The following MOGAT2 variants were observed in gnomAD, a reference collection of about 807,000 sequenced individuals.
MOGAT2 encodes 2-acylglycerol O-acyltransferase 2.
Under a neutral mutation model 31.5 loss-of-function variants are expected in MOGAT2, and 27 were observed. The ratio of observed to expected loss-of-function variants is 0.86; its 90% CI spans 0.63 to 1.18. The LOEUF (loss-of-function observed/expected upper bound fraction) is 1.18, where lower values mean the gene tolerates loss of function less well. Ranked by LOEUF, MOGAT2 falls within the 50% of genes most tolerant of loss-of-function variation. The pLI is 0.00. For missense variants in MOGAT2, 436 were observed against 433.2 expected (o/e 1.01, Z -0.06); for synonymous variants, 163 against 170.0 (o/e 0.96, Z 0.32).
rs369107453 is a variant in MOGAT2, at chr11:75,724,229, T to C, written c.271-3206T>C. ...GTACCAGCCTCATCCATTGGGCTCATTCCTTCCTTCCTTCATGCTATACCC... is the reference window on the plus strand; with the variant it reads ...GTACCAGCCTCATCCATTGGGCTCACTCCTTCCTTCCTTCATGCTATACCC... On this transcript the variant is annotated intron_variant, in intron 2 of 5. Transcript: ENST00000198801. 5.9e-5 allele frequency among the ~76,000 whole-genome samples: 9 copies of C among 152,312 alleles called. No individual in the cohort carries two copies. In the East Asian group the frequency reaches 1.7e-3, roughly 29 times the overall value.
intron 2 of MOGAT2, among the ~76,000 whole-genome samples, chr11:75,723,091 A>G (rs1183524771): frequency 6.6e-6 from 1 of 151,944 alleles, no homozygotes; most frequent in Non-Finnish European, 1.5e-5. Context: ...CCTCCTGAGT[A>G]GCTGGGATTA....
chr11:75,726,790 C>A (rs559211683), intron 2 of MOGAT2, among the ~76,000 whole-genome samples: 1 of 149,120 alleles, frequency 6.7e-6, no homozygotes, highest in Non-Finnish European at 1.5e-5. Context: ...CCTCTGCCTC[C>A]TGGGTTCAAG....
chr11:75,728,568 A>C (rs539878137), intron 4 of MOGAT2: 1 of 594,726 alleles, frequency 1.7e-6, no homozygotes, highest in East Asian at 2.8e-5. Context: ...TCTACCTCTC[A>C]TGGTGCAACT....
At chr11:75,723,969 C>A (rs1944398203) in intron 2 of MOGAT2, among the ~76,000 whole-genome samples, 1 of 152,142 alleles carries the variant, frequency 6.6e-6, no homozygotes, top group African/African-American at 2.4e-5. Flanking sequence ...ACAAACCTCC[C>A]CTCTTCTTTG....
chr11:75,718,981 T>TCTCA (rs535098500), intron 1 of MOGAT2, among the ~76,000 whole-genome samples: 46 of 150,196 alleles, frequency 3.1e-4, no homozygotes, highest in Admixed American at 1.1e-3. Context: ...TCTCTCTCTC[T>TCTCA]CACACACACA....
At chr11:75,729,361 G>A (rs1415836496) in intron 5 of MOGAT2, among the ~76,000 whole-genome samples, 4 of 151,916 alleles carry the variant, frequency 2.6e-5, no homozygotes, top group African/African-American at 7.2e-5. Context: ...TGCAACCTCC[G>A]CCTCCTGGGT....
At position 75,732,777 on chromosome 11, in the gene MOGAT2, T is replaced by A. The variant is rs1944494718; in HGVS notation, c.*1491T>A. On this transcript the variant is annotated 3_prime_UTR_variant, in exon 6 of 6. Transcript: ENST00000198801. The stretch of plus-strand genomic sequence containing the variant: ...CCCAGTGCCTCTGGTTGACAGGGGT[T>A]TCCTCTGGCTTCTCCAGACTTTCTG... 1 of 152,286 alleles carries A rather than the reference T, an allele frequency of 6.6e-6. No homozygotes were observed. Among genetic ancestry groups the A allele is most frequent in the Admixed American group, 6.5e-5 (1 of 15,290 alleles). The allele number at this position is 152,286 out of a possible 1,614,324, so 9.4% of individuals were successfully genotyped here. A position where few individuals can be genotyped will look rare whatever the true frequency, so the allele number is the denominator to read the frequency against.
intron 2 of MOGAT2, among the ~76,000 whole-genome samples, chr11:75,724,388 G>C (rs1240246630): frequency 6.6e-6 from 1 of 152,222 alleles, no homozygotes; most frequent in Non-Finnish European, 1.5e-5. Flanking sequence ...AGCACAGAAA[G>C]ATACCAATAG....
At chr11:75,728,270 T>C (rs1944440957) in intron 4 of MOGAT2, 126 bp downstream of exon 4, 2 of 1,183,492 alleles carry the variant, frequency 1.7e-6, no homozygotes, top group Non-Finnish European at 2.4e-6. Context: ...CCATTCACAA[T>C]TAAGATTATA....
At chr11:75,719,753 G>A in intron 1 of MOGAT2, 1 of 506,096 alleles carries the variant, frequency 2.0e-6, no homozygotes, top group South Asian at 3.3e-5. Context: ...AGTGAGCTTT[G>A]GAGTTAGGCC....
chr11:75,725,713 C>G (rs1009762750), intron 2 of MOGAT2, among the ~76,000 whole-genome samples: 6 of 152,182 alleles, frequency 3.9e-5, no homozygotes, highest in African/African-American at 1.4e-4. Context: ...CTGCTGCTCC[C>G]CAACAAGAAC....
intron 4 of MOGAT2, 141 bp downstream of exon 4, chr11:75,728,285 G>A: frequency 9.6e-7 from 1 of 1,046,284 alleles, no homozygotes; most frequent in Non-Finnish European, 1.4e-6. Context: ...ATTATATTTT[G>A]GTGTCTTATG....
At position 75,727,593 on chromosome 11, in the gene MOGAT2, C is replaced by T. The variant is rs763598561; in HGVS notation, c.429C>T (p.Thr143=). The part of the protein sequence containing the change: ...PGIRPHLMML[T]LWFRAPFFRD... ...TCCGCCCCCATCTGATGATGCTGAC[C>T]TTGTGGTTCCGGGCCCCCTTCTTCA... Residue 143 remains threonine (T), a synonymous_variant, in exon 3 of 6, where the codon ACC becomes ACT. Coordinates refer to ENST00000198801, the MANE Select transcript of MOGAT2 (RefSeq NM_025098.4). 1.9e-6 allele frequency: 3 copies of T among 1,614,200 alleles called. No individual in the cohort carries two copies. The highest frequency in any genetic ancestry group is 4.5e-5 in the East Asian group (2 of 44,880).
At chr11:75,728,302 T>C in intron 4 of MOGAT2, 158 bp downstream of exon 4, 1 of 888,846 alleles carries the variant, frequency 1.1e-6, no homozygotes, top group Non-Finnish European at 1.8e-6. Flanking sequence ...TATGCCCAAA[T>C]ACCTAGAAAA....
intron 5 of MOGAT2, among the ~76,000 whole-genome samples, chr11:75,730,769 C>T (rs189223485): frequency 5.3e-5 from 8 of 151,878 alleles, no homozygotes; most frequent in Non-Finnish European, 7.4e-5. Flanking sequence ...ATTAGCTGGG[C>T]ATGGTGGCGC....
chr11:75,726,663 C>A (rs1010655163), intron 2 of MOGAT2, among the ~76,000 whole-genome samples: 8 of 151,248 alleles, frequency 5.3e-5, no homozygotes, highest in Non-Finnish European at 8.8e-5. Flanking sequence ...TTGTTTGAAT[C>A]CATAGATGTC....
chr11:75,728,809 T>C lies in MOGAT2; in HGVS notation c.670T>C (p.Phe224Leu). The C allele has an allele frequency of 6.2e-7, 1 of 1,614,070 alleles. No homozygotes were observed. The highest frequency in any genetic ancestry group is 8.5e-7 in the Non-Finnish European group (1 of 1,179,908). Residue 224 changes from phenylalanine (F) to leucine (L), a missense_variant, in exon 5 of 6, where the codon TTC (phenylalanine) becomes CTC (leucine). Physicochemically the swap from Phe to Leu is conservative, Grantham distance 22. Coordinates refer to ENST00000198801, the MANE Select transcript of MOGAT2 (RefSeq NM_025098.4). ...LTHGAPLVPI[F>L]SFGENDLFDQ... ...CTCCAGGGCACCCCTGGTGCCAATC[T>C]TCTCCTTCGGGGAGAATGACCTATT...
chr11:75,721,009 G>C (rs1199204130), intron 2 of MOGAT2, among the ~76,000 whole-genome samples: 1 of 152,126 alleles, frequency 6.6e-6, no homozygotes, highest in Non-Finnish European at 1.5e-5. Flanking sequence ...AGAAGGGATA[G>C]GATGGGGAAG....
chr11:75,731,407 A>G lies in MOGAT2; in HGVS notation c.*121A>G. 3 of 1,156,878 alleles carry G rather than the reference A, an allele frequency of 2.6e-6. No homozygotes were observed. Among genetic ancestry groups the G allele is most frequent in the Admixed American group, 5.1e-5 (2 of 39,528 alleles). The allele number at this position is 1,156,878 out of a possible 1,614,324, so 71.7% of individuals were successfully genotyped here. On this transcript the variant is annotated 3_prime_UTR_variant, in exon 6 of 6. Coordinates refer to ENST00000198801, the MANE Select transcript of MOGAT2 (RefSeq NM_025098.4). ...TCCCAGACTCCTGCAAATCCAACCC[A>G]TATCAGGCTGTAAGTCAGAGCAGGC...
Sources: allele counts gnomAD v4.1 joint callset (sites outside exome capture counted in the v4.1 genomes callset), GRCh38; gene constraint gnomAD v4.1.1; transcripts MANE v1.5; gene names NCBI Gene and HGNC (gene_info 2026-07-23, HGNC 2026-07-21).